Variants in PPP6R3 observed in about 807,000 individuals in gnomAD.
The protein encoded by PPP6R3 is protein phosphatase 6 regulatory subunit 3.
Under a neutral mutation model 110.7 loss-of-function variants are expected in PPP6R3, and 38 were observed. That is an observed-to-expected ratio of 0.34 (90% confidence interval 0.26 to 0.45). The LOEUF (loss-of-function observed/expected upper bound fraction) is 0.45, where lower values mean the gene tolerates loss of function less well. Among genes scored for constraint, PPP6R3 ranks in the 20% least tolerant of loss-of-function variants. The probability of loss-of-function intolerance (pLI) is 1.00; values close to 1 mark genes in which losing one functional copy is unlikely to be tolerated. For missense variants in PPP6R3, 870 were observed against 1,062.4 expected (o/e 0.82, Z 2.52); for synonymous variants, 369 against 373.5 (o/e 0.99, Z 0.14).
chr11:68,604,284 TAA>T (rs1018801891), intron 22 of PPP6R3, among the ~76,000 whole-genome samples: 66 of 152,382 alleles, frequency 4.3e-4, no homozygotes, highest in African/African-American at 1.5e-3. Context: ...TGACACAATG[TAA>T]ACACCAGTGT....
Position 68,544,982 on chromosome 11 carries a change from C to T in PPP6R3, c.372C>T (p.Phe124=), listed in dbSNP as rs1592875359. The T allele has an allele frequency of 6.2e-7, 1 of 1,609,818 alleles. No individual in the cohort carries two copies. Among genetic ancestry groups the T allele is most frequent in the Non-Finnish European group, 8.5e-7 (1 of 1,176,260 alleles). ...TGAATCCACTACTTGCCAGTTTCTTCAGCAAGGTGCTAAGTATTCTTATCA... is the reference window on the plus strand; with the variant it reads ...TGAATCCACTACTTGCCAGTTTCTTTAGCAAGGTGCTAAGTATTCTTATCA... ...SPLNPLLASF[F]SKVLSILISR... is the part of the protein sequence containing the mutation. The change falls in exon 4 of 24, where the codon TTC becomes TTT. Residue 124 remains phenylalanine (F), a synonymous_variant. Transcript: ENST00000393800.
rs143925321 is a variant in PPP6R3 at position 68,558,679 on chromosome 11, C to T, written c.845C>T (p.Thr282Ile). Residue 282 changes from threonine to isoleucine, a missense_variant and splice_region_variant, in exon 8 of 24, where the codon ACA becomes ATA. Physicochemically the swap from Thr to Ile is moderately conservative, Grantham distance 89. Transcript: ENST00000393800. ...LLTLLETRRP[T>I]FEGHIEICPP... is the part of the protein sequence containing the mutation. Reference sequence around the variant, plus strand: ...ACTTTACTTGAGACACGACGACCAACGTAAGCTTTTCTTATATCTTACAAA... The same window carrying T: ...ACTTTACTTGAGACACGACGACCAATGTAAGCTTTTCTTATATCTTACAAA... 21 of 1,597,454 alleles carry T rather than the reference C, an allele frequency of 1.3e-5. No individual in the cohort carries two copies. Among genetic ancestry groups the T allele is most frequent in the Non-Finnish European group, 1.8e-5 (21 of 1,167,482 alleles).
At chr11:68,505,339 A>G (rs1042436446) in intron 1 of PPP6R3, 1 of 152,276 alleles carries the variant, frequency 6.6e-6, no homozygotes, top group African/African-American at 2.4e-5. Flanking sequence ...GCACTAGTTC[A>G]TTTAGAATCG....
At position 68,597,037 on chromosome 11, in the gene PPP6R3, C is replaced by T. The variant is rs2510409; in HGVS notation, c.2038+819C>T. 9.4e-4 allele frequency among the ~76,000 whole-genome samples: 143 copies of T among 152,316 alleles called. 1 individual carries two copies. Among genetic ancestry groups the T allele is most frequent in the African/African-American group, 3.3e-3 (139 of 41,582 alleles). On this transcript the variant is annotated intron_variant, in intron 19 of 23. Transcript: ENST00000393800. ...TTCTGCTGCCTGTTTTCCAGCCCACCCTCAGGAGGAGGAAGTGGACTTTTC... is the reference window on the plus strand; with the variant it reads ...TTCTGCTGCCTGTTTTCCAGCCCACTCTCAGGAGGAGGAAGTGGACTTTTC...
intron 1 of PPP6R3, among the ~76,000 whole-genome samples, chr11:68,462,127 C>T (rs1213645156): frequency 2.0e-5 from 3 of 152,300 alleles, no homozygotes; most frequent in African/African-American, 7.2e-5. Context: ...TAGAGCTGTG[C>T]CTGGCACATA....
chr11:68,594,255 TA>T (rs2099604551), intron 18 of PPP6R3, among the ~76,000 whole-genome samples: 1 of 131,070 alleles, frequency 7.6e-6, no homozygotes, highest in African/African-American at 2.9e-5. Context: ...CCCCGTCTCT[TA>T]AAAAAGGGGG....
chr11:68,537,446 AT>A (rs1170357817), intron 2 of PPP6R3, among the ~76,000 whole-genome samples: 2 of 152,180 alleles, frequency 1.3e-5, no homozygotes, highest in Admixed American at 6.5e-5. Context: ...TCAAGTCAAA[AT>A]TTTTTATCTA....
At chr11:68,544,069 C>CT (rs2099334270) in intron 3 of PPP6R3, among the ~76,000 whole-genome samples, 1 of 152,160 alleles carries the variant, frequency 6.6e-6, no homozygotes, top group South Asian at 2.1e-4. Flanking sequence ...TATCCAGATA[C>CT]TGGAAGGCTG....
chr11:68,588,193 TAGGACTTAAAATAA>T (rs2099584581), intron 16 of PPP6R3, among the ~76,000 whole-genome samples, 169 bp downstream of exon 16: 1 of 152,052 alleles, frequency 6.6e-6, no homozygotes, highest in Non-Finnish European at 1.5e-5. Flanking sequence ...ACTGGATAAT[TAGGACTTAAAATAA>T]CACTGCAGTG....
chr11:68,592,276 G>C (rs1223142705), intron 18 of PPP6R3, among the ~76,000 whole-genome samples: 1 of 151,962 alleles, frequency 6.6e-6, no homozygotes, highest in Non-Finnish European at 1.5e-5. Context: ...AGGAATATTT[G>C]ATCAGCAGCT....
chr11:68,603,588 G>T, intron 22 of PPP6R3, 96 bp downstream of exon 22: 2 of 1,417,014 alleles, frequency 1.4e-6, no homozygotes, highest in Non-Finnish European at 2.0e-6. Context: ...TGATTCAAAT[G>T]AATGTTCAGA....
intron 14 of PPP6R3, among the ~76,000 whole-genome samples, chr11:68,578,330 A>C (rs558621330): frequency 4.1e-4 from 62 of 152,322 alleles, no homozygotes; most frequent in African/African-American, 1.5e-3. Context: ...AGTGACATAG[A>C]AAAAGAGTGC....
intron 2 of PPP6R3, among the ~76,000 whole-genome samples, chr11:68,534,655 T>G (rs1383401569): frequency 7.2e-5 from 11 of 152,234 alleles, no homozygotes. Context: ...TATTATTAGC[T>G]AAAAATAAGT....
At chr11:68,469,847 C>T (rs2098777647) in intron 1 of PPP6R3, among the ~76,000 whole-genome samples, 1 of 152,216 alleles carries the variant, frequency 6.6e-6, no homozygotes, top group Admixed American at 6.5e-5. Flanking sequence ...CGTCTCACCA[C>T]TTCCCTCTTT....
intron 2 of PPP6R3, among the ~76,000 whole-genome samples, chr11:68,528,435 G>T (rs57008984): frequency 0.016 from 1,341 of 83,742 alleles, 37 homozygotes; most frequent in African/African-American, 0.053. Context: ...TGTGTGTGTG[G>T]GGGGGGGGGC....
intron 20 of PPP6R3, 48 bp from the exon 21 acceptor site, chr11:68,601,815 G>T: frequency 1.4e-6 from 2 of 1,472,814 alleles, no homozygotes; most frequent in Non-Finnish European, 1.9e-6. Flanking sequence ...TGGGGTAACT[G>T]AGGACCATTC....
intron 1 of PPP6R3, among the ~76,000 whole-genome samples, chr11:68,506,670 GA>G (rs1172285673): frequency 6.6e-6 from 1 of 151,624 alleles, no homozygotes. Context: ...ATATCTCAAA[GA>G]AAAAAAACCC....
intron 2 of PPP6R3, among the ~76,000 whole-genome samples, chr11:68,522,339 C>G (rs1257891899): frequency 6.6e-6 from 1 of 152,220 alleles, no homozygotes; most frequent in Non-Finnish European, 1.5e-5. Context: ...GTGTATGAAG[C>G]AGCTTGACCT....
intron 1 of PPP6R3, among the ~76,000 whole-genome samples, chr11:68,476,686 A>G (rs1008326390): frequency 6.6e-6 from 1 of 151,996 alleles, no homozygotes; most frequent in African/African-American, 2.4e-5. Flanking sequence ...AAATCTTGGC[A>G]TATATATCTT....
Sources: gnomAD v4.1 joint callset for allele counts (sites outside exome capture counted in the v4.1 genomes callset) on GRCh38, gnomAD v4.1.1 for gene constraint, MANE v1.5 for transcripts, NCBI Gene and HGNC (gene_info 2026-07-23, HGNC 2026-07-21) for gene names.